The following SUPT6H variants were observed in gnomAD, a reference collection of about 807,000 sequenced individuals.
SUPT6H encodes the protein transcription elongation factor SPT6.
Under a neutral mutation model 222.3 loss-of-function variants are expected in SUPT6H, and 11 were observed. The observed-to-expected ratio is 0.05, with a 90% CI of 0.03 to 0.08. The LOEUF (loss-of-function observed/expected upper bound fraction) is 0.08, where lower values mean the gene tolerates loss of function less well. Among genes scored for constraint, SUPT6H ranks in the 10% least tolerant of loss-of-function variants. The pLI, the probability that SUPT6H is intolerant of heterozygous loss-of-function variation, is 1.00. For synonymous variants in SUPT6H, 762 were observed against 801.2 expected (o/e 0.95, Z 0.83); for missense variants, 1,422 against 2,216.0 (o/e 0.64, Z 7.19).
At chr17:28,672,265 A>G (rs749852372) in intron 1 of SUPT6H, among the ~76,000 whole-genome samples, 1 of 152,148 alleles carries the variant, frequency 6.6e-6, no homozygotes, top group African/African-American at 2.4e-5. Context: ...CTCTACCACC[A>G]TATCCCCACT....
At chr17:28,675,199 G>C in intron 5 of SUPT6H, 37 bp downstream of exon 5, 1 of 1,577,108 alleles carries the variant, frequency 6.3e-7, no homozygotes, top group Non-Finnish European at 8.6e-7. Context: ...GTGTTTGGAT[G>C]GGTATTGGGA....
intron 27 of SUPT6H, among the ~76,000 whole-genome samples, chr17:28,693,151 AAG>A (rs1337541306): frequency 6.6e-6 from 1 of 151,788 alleles, no homozygotes; most frequent in Non-Finnish European, 1.5e-5. Flanking sequence ...GCCTAGGCAA[AAG>A]AGTGATACTG....
rs751072780 is a variant in SUPT6H at position 28,677,802 on chromosome 17, A to G, written c.985A>G (p.Thr329Ala). The G allele has an allele frequency of 1.2e-6, 2 of 1,614,124 alleles. No homozygotes were observed. The highest frequency in any genetic ancestry group is 1.7e-6 in the Non-Finnish European group (2 of 1,179,972). ...CTACAGGAATGCTTTTGCCACACCA[A>G]CCATTTCTCTCCAGGTACACAAAAA... ...WIYRNAFATP[T>A]ISLQESCDYL... is the part of the protein sequence containing the mutation. Residue 329 changes from threonine to alanine, a missense_variant, in exon 8 of 37, where the codon ACC becomes GCC. Transcript: ENST00000314616.
intron 1 of SUPT6H, chr17:28,670,413 A>T (rs1358632902): frequency 2.0e-5 from 3 of 152,180 alleles, no homozygotes; most frequent in Admixed American, 2.0e-4. Context: ...TTTTTAAAAA[A>T]TTGCTTAAAA....
At chr17:28,687,924 C>CTTT (rs75324284) in intron 23 of SUPT6H, among the ~76,000 whole-genome samples, 167 bp from the exon 24 acceptor site, 4 of 134,242 alleles carry the variant, frequency 3.0e-5, no homozygotes, top group Non-Finnish European at 4.9e-5. Context: ...TAAAGCAAAA[C>CTTT]TTTTTTTTTT....
In SUPT6H at chr17:28,682,996, G is replaced by C. The variant is rs929044271; in HGVS notation, c.1782G>C (p.Leu594=). Residue 594 remains leucine, a synonymous_variant, in exon 15 of 37, where the codon CTG becomes CTC. Transcript: ENST00000314616. The part of the protein sequence containing the change: ...VLEGARYMVA[L]QIAREPLVRQ... ...AAGGCGCCCGCTACATGGTAGCCCTGCAGATTGCCCGTGAGCCCCTTGTCC... is the reference window on the plus strand; with the variant it reads ...AAGGCGCCCGCTACATGGTAGCCCTCCAGATTGCCCGTGAGCCCCTTGTCC... 9 of 1,613,864 alleles carry C rather than the reference G, an allele frequency of 5.6e-6. No homozygotes were observed. Among genetic ancestry groups the C allele is most frequent in the South Asian group, 5.5e-5 (5 of 91,046 alleles).
chr17:28,667,420 T>TATAC (rs1351062909), intron 1 of SUPT6H, among the ~76,000 whole-genome samples: 3 of 128,704 alleles, frequency 2.3e-5, no homozygotes, highest in Admixed American at 1.6e-4. Flanking sequence ...TATATATATA[T>TATAC]ATATATATAT....
At chr17:28,691,222 G>T (rs2031627212) in intron 27 of SUPT6H, 159 bp downstream of exon 27, 1 of 1,032,944 alleles carries the variant, frequency 9.7e-7, no homozygotes, top group South Asian at 1.6e-5. Flanking sequence ...TTAGCATGAA[G>T]TCCCTTCTGA....
At chr17:28,687,000 A>G in intron 21 of SUPT6H, 88 bp from the exon 22 acceptor site, 1 of 1,544,294 alleles carries the variant, frequency 6.5e-7, no homozygotes, top group Non-Finnish European at 8.7e-7. Context: ...AAGCAGAGAA[A>G]ATGATTTAAA....
intron 29 of SUPT6H, among the ~76,000 whole-genome samples, 159 bp from the exon 30 acceptor site, chr17:28,696,685 C>T (rs1409341544): frequency 2.0e-5 from 3 of 151,008 alleles, no homozygotes; most frequent in African/African-American, 4.9e-5. Context: ...CCCAGGAGTT[C>T]GAGGCTACAG....
chr17:28,692,865 G>A lies in SUPT6H; in HGVS notation c.3634-831G>A, dbSNP rs972486115. Among the ~76,000 whole-genome samples the A allele has an allele frequency of 2.7e-5, 4 of 147,426 alleles. 1 individual carries two copies. Among genetic ancestry groups the A allele is most frequent in the African/African-American group, 1.0e-4 (4 of 39,512 alleles). ...AAATACAAAAAATTAGCTGGGCATG[G>A]TGGCGGGCGCTTGTAGTCCCAGCTA... is the stretch of plus-strand genomic sequence containing the variant. On this transcript the variant is annotated intron_variant, in intron 27 of 36. Coordinates refer to ENST00000314616, the MANE Select transcript of SUPT6H (RefSeq NM_003170.5).
chr17:28,687,718 A>AT (rs540188101), intron 23 of SUPT6H, among the ~76,000 whole-genome samples: 111 of 152,118 alleles, frequency 7.3e-4, no homozygotes, highest in African/African-American at 2.5e-3. Context: ...GGGTTTCACC[A>AT]TGTTGGCCAG....
At chr17:28,677,899 A>G in intron 8 of SUPT6H, 83 bp downstream of exon 8, 2 of 1,381,636 alleles carry the variant, frequency 1.4e-6, no homozygotes, top group Non-Finnish European at 2.1e-6. Flanking sequence ...CCTATTTCAT[A>G]CATCCGTGTG....
At position 28,690,352 on chromosome 17, in the gene SUPT6H, G is replaced by A. The variant is rs538921147; in HGVS notation, c.3490+123G>A. The A allele has an allele frequency of 5.1e-5, 64 of 1,258,314 alleles. No individual in the cohort carries two copies. The African/African-American group carries it at 9.1e-4, about 18-fold the overall frequency. 77.9% of individuals were successfully genotyped at this position (1,258,314 alleles called of 1,614,324 possible). On this transcript the variant is annotated intron_variant, in intron 26 of 36. Transcript: ENST00000314616. The stretch of plus-strand genomic sequence containing the variant: ...GTTGTACATGGGGAAGGCCAGGAGA[G>A]CATTTTAAAAGACTAAAGAGTCCTG...
chr17:28,687,334 G>A lies in SUPT6H; in HGVS notation c.2869G>A (p.Ala957Thr), dbSNP rs2031434995. The change falls in exon 23 of 37, where the codon GCC becomes ACC. Residue 957 changes from alanine (A) to threonine (T), a missense_variant. By Grantham distance (58) the Ala-to-Thr change is moderately conservative. Transcript: ENST00000314616. The part of the protein sequence containing the change: ...EHVVKEELLN[A>T]LYCEFINRVN... The stretch of plus-strand genomic sequence containing the variant: ...TGTGGTGAAAGAGGAGCTGCTCAAC[G>A]CCTTGTACTGTGAATTTATCAACCG... 1.9e-6 allele frequency: 3 copies of A among 1,614,152 alleles called. No homozygotes were observed. The highest frequency in any genetic ancestry group is 1.1e-5 in the South Asian group (1 of 91,078).
chr17:28,678,686 A>G, intron 10 of SUPT6H, 52 bp downstream of exon 10: 1 of 1,610,940 alleles, frequency 6.2e-7, no homozygotes, highest in Non-Finnish European at 8.5e-7. Flanking sequence ...AGGCACCATT[A>G]CTACCAGGAT....
intron 13 of SUPT6H, chr17:28,682,213 G>A (rs370017281): frequency 2.2e-6 from 1 of 464,904 alleles, no homozygotes; most frequent in Non-Finnish European, 3.9e-6. Context: ...CTCATGATTG[G>A]AGGGAGAGAG....
chr17:28,695,722 A>T lies in SUPT6H; in HGVS notation c.3970+175A>T, dbSNP rs151036729. Among the ~76,000 whole-genome samples, 131 of 152,312 alleles carry T rather than the reference A, an allele frequency of 8.6e-4. No individual in the cohort carries two copies. In the East Asian group the frequency reaches 0.022, roughly 25 times the overall value. On this transcript the variant is annotated intron_variant, in intron 29 of 36. Transcript: ENST00000314616. The stretch of plus-strand genomic sequence containing the variant: ...AGTCATAGGTAGGGCTGGAACCCAG[A>T]GTCTCTTGGGTCACATTTTCTTTGC...
At chr17:28,692,020 T>C (rs1273752396) in intron 27 of SUPT6H, among the ~76,000 whole-genome samples, 1 of 151,202 alleles carries the variant, frequency 6.6e-6, no homozygotes, top group Non-Finnish European at 1.5e-5. Context: ...CCCATCTCCT[T>C]TTTTAAAAAA....
Sources: gnomAD v4.1 joint callset for allele counts (sites outside exome capture counted in the v4.1 genomes callset) on GRCh38, gnomAD v4.1.1 for gene constraint, MANE v1.5 for transcripts, NCBI Gene and HGNC (gene_info 2026-07-23, HGNC 2026-07-21) for gene names.